PTPRN2: variants seen among roughly 807,000 people sequenced by gnomAD.
PTPRN2 encodes protein tyrosine phosphatase receptor type N2, also known as receptor-type tyrosine-protein phosphatase N2.
PTPRN2 carries 74 observed loss-of-function variants against 118.8 expected under a neutral mutation model. The ratio of observed to expected loss-of-function variants is 0.62; its 90% CI spans 0.52 to 0.76. The LOEUF is 0.76. PTPRN2 is among the 30% of genes least tolerant of loss of function. The probability of loss-of-function intolerance (pLI) is 0.00; values close to 1 mark genes in which losing one functional copy is unlikely to be tolerated. For synonymous variants in PTPRN2, 641 were observed against 608.0 expected (o/e 1.05, Z -0.80); for missense variants, 1,481 against 1,394.4 (o/e 1.06, Z -0.99).
chr7:158,244,246 C>A (rs201288482), intron 3 of PTPRN2, among the ~76,000 whole-genome samples: 2 of 151,626 alleles, frequency 1.3e-5, no homozygotes, highest in African/African-American at 2.4e-5. Context: ...CTCAGAAGTG[C>A]AGGAAACTGA....
At chr7:158,454,218 T>A (rs1818293073) in intron 2 of PTPRN2, among the ~76,000 whole-genome samples, 1 of 151,912 alleles carries the variant, frequency 6.6e-6, no homozygotes, top group Admixed American at 6.5e-5. Context: ...TTGGGGATGG[T>A]TGCTACAGAG....
At chr7:158,523,658 T>C (rs72505577) in intron 1 of PTPRN2, among the ~76,000 whole-genome samples, 6,160 of 23,348 alleles carry the variant, frequency 0.26, 46 homozygotes, top group East Asian at 0.46. Flanking sequence ...TGCCCTGGAG[T>C]GGAGTCGTCT....
At chr7:157,917,451 C>T (rs952594237) in intron 11 of PTPRN2, among the ~76,000 whole-genome samples, 2 of 152,154 alleles carry the variant, frequency 1.3e-5, no homozygotes, top group African/African-American at 4.8e-5. Context: ...CTCTCATCTG[C>T]GGGTCTCCTG....
chr7:158,251,631 T>C (rs1329064223), intron 3 of PTPRN2, among the ~76,000 whole-genome samples: 1 of 120,096 alleles, frequency 8.3e-6, no homozygotes, highest in Non-Finnish European at 1.7e-5. Context: ...GCAATGGATG[T>C]CTATGGTGCA....
At chr7:158,226,374 T>C (rs1274318435) in intron 3 of PTPRN2, among the ~76,000 whole-genome samples, 1 of 152,132 alleles carries the variant, frequency 6.6e-6, no homozygotes, top group Non-Finnish European at 1.5e-5. Context: ...GCTAGGTCAC[T>C]GGGGAAGAGG....
Position 157,656,485 on chromosome 7 carries a change from T to G in PTPRN2, c.2068A>C (p.Ile690Leu). The G allele has an allele frequency of 1.3e-6, 2 of 1,554,836 alleles. No homozygotes were observed. The highest frequency in any genetic ancestry group is 2.7e-5 in the African/African-American group (2 of 73,562). ...CTGAACTGGGATGAGACGCTGCTGA[T>G]GCGTGACGTGTGCGGGCCCTCAGGT... ...DRPEGPHTSR[I>L]SSVSSQFSDG... The change falls in exon 14 of 23, where the codon ATC becomes CTC. Residue 690 changes from isoleucine to leucine, a missense_variant. Physicochemically the swap from Ile to Leu is conservative, Grantham distance 5 (BLOSUM62 2). Transcript: ENST00000389418.
intron 13 of PTPRN2, among the ~76,000 whole-genome samples, chr7:157,656,979 CCACACACAT>C (rs1307512791): frequency 6.5e-5 from 9 of 139,444 alleles, no homozygotes; most frequent in Admixed American, 2.2e-4. Flanking sequence ...ACCACACACA[CCACACACAT>C]CACACATATA....
intron 11 of PTPRN2, among the ~76,000 whole-genome samples, chr7:157,981,184 A>G (rs1803112323): frequency 6.6e-6 from 1 of 152,248 alleles, no homozygotes; most frequent in African/African-American, 2.4e-5. Flanking sequence ...GCAAGAACCC[A>G]CACATTTCTT....
At chr7:158,325,015 A>G (rs569175578) in intron 2 of PTPRN2, among the ~76,000 whole-genome samples, 1 of 151,100 alleles carries the variant, frequency 6.6e-6, no homozygotes, top group Non-Finnish European at 1.5e-5. Flanking sequence ...TTACCCCACA[A>G]TTCTCCACAG....
chr7:158,244,741 TGA>T (rs1280664718), intron 3 of PTPRN2, among the ~76,000 whole-genome samples: 5 of 149,342 alleles, frequency 3.3e-5, no homozygotes, highest in Non-Finnish European at 7.4e-5. Flanking sequence ...TGTGTGTGTG[TGA>T]GTTGTGTGGT....
At chr7:157,613,104 G>T (rs1802483323) in intron 15 of PTPRN2, among the ~76,000 whole-genome samples, 1 of 152,168 alleles carries the variant, frequency 6.6e-6, no homozygotes, top group Non-Finnish European at 1.5e-5. Flanking sequence ...CCCGCATCCG[G>T]AGGGACAGGC....
intron 2 of PTPRN2, among the ~76,000 whole-genome samples, chr7:158,457,387 C>T (rs1818594606): frequency 6.6e-6 from 1 of 152,236 alleles, no homozygotes; most frequent in African/African-American, 2.4e-5. Flanking sequence ...GGTGTCTACC[C>T]TGGCCTTGAT....
intron 2 of PTPRN2, among the ~76,000 whole-genome samples, chr7:158,400,897 C>G (rs1419175756): frequency 6.6e-6 from 1 of 152,108 alleles, no homozygotes; most frequent in Non-Finnish European, 1.5e-5. Context: ...CCGTCCCACC[C>G]CCCGCATTCC....
At chr7:158,531,673 A>G (rs1341817853) in intron 1 of PTPRN2, among the ~76,000 whole-genome samples, 1 of 152,242 alleles carries the variant, frequency 6.6e-6, no homozygotes. Flanking sequence ...AGGAAAGAAC[A>G]AAACCAATGC....
At chr7:158,295,639 A>G (rs989704548) in intron 3 of PTPRN2, among the ~76,000 whole-genome samples, 1 of 149,250 alleles carries the variant, frequency 6.7e-6, no homozygotes. Flanking sequence ...TGAGGGTCTA[A>G]GCCCATGGGG....
chr7:158,469,122 T>C (rs1428230782), intron 2 of PTPRN2, among the ~76,000 whole-genome samples: 1 of 151,866 alleles, frequency 6.6e-6, no homozygotes, highest in Non-Finnish European at 1.5e-5. Flanking sequence ...ATCAACAGTG[T>C]CAGGCTTTCA....
intron 12 of PTPRN2, among the ~76,000 whole-genome samples, chr7:157,839,545 GTC>G (rs1554465764): frequency 1.6e-4 from 25 of 152,020 alleles, no homozygotes; most frequent in East Asian, 5.8e-4. Context: ...TACTCTGTGT[GTC>G]TGTGTGTGTG....
chr7:158,292,052 T>TTA (rs1323388739), intron 3 of PTPRN2, among the ~76,000 whole-genome samples: 2 of 152,228 alleles, frequency 1.3e-5, no homozygotes, highest in Non-Finnish European at 2.9e-5. Flanking sequence ...TGTCTAGCTT[T>TTA]TAGTGAGGCT....
At chr7:158,407,107 T>A (rs1813509923) in intron 2 of PTPRN2, among the ~76,000 whole-genome samples, 1 of 151,374 alleles carries the variant, frequency 6.6e-6, no homozygotes, top group South Asian at 2.1e-4. Flanking sequence ...AGCCCAGCCC[T>A]GGGTCCTGCG....
Sources: allele counts gnomAD v4.1 joint callset (sites outside exome capture counted in the v4.1 genomes callset), GRCh38; gene constraint gnomAD v4.1.1; transcripts MANE v1.5; gene names NCBI Gene and HGNC (gene_info 2026-07-23, HGNC 2026-07-21).